The following NCOR2 variants were observed in gnomAD, a reference collection of about 807,000 sequenced individuals.
The protein encoded by NCOR2 is CTG repeat protein 26.
NCOR2 carries 81 observed loss-of-function variants against 262.9 expected under a neutral mutation model. The observed-to-expected ratio is 0.31, with a 90% CI of 0.26 to 0.37. The LOEUF (loss-of-function observed/expected upper bound fraction) is 0.37, where lower values mean the gene tolerates loss of function less well. Among genes scored for constraint, NCOR2 ranks in the 10% least tolerant of loss-of-function variants. NCOR2 has a pLI of 1.00. For synonymous variants in NCOR2, 1,659 were observed against 1,559.3 expected, an observed-to-expected ratio of 1.06 and a Z score of -1.51; for missense variants, 3,385 against 3,621.4, an observed-to-expected ratio of 0.93 and a Z score of 1.68.
chr12:124,483,610 C>T lies in NCOR2; in HGVS notation c.397G>A (p.Glu133Lys), dbSNP rs763199893. The change falls in exon 3 of 47, where the codon GAA becomes AAA. Residue 133 changes from glutamate (E) to lysine (K), a missense_variant. Coordinates refer to ENST00000405201, the Ensembl canonical transcript of NCOR2. The surrounding 1 kb of genome is among the most constrained non-coding windows in gnomAD (Gnocchi z 6.3). The stretch of plus-strand genomic sequence containing the variant: ...CCCAGGCTTACCTTGGTGAGGTCTT[C>T]AGATCCCGCAGGCTGGCCCGTGGCC... 2.5e-6 allele frequency: 4 copies of T among 1,602,866 alleles called. No homozygotes were observed. The highest frequency in any genetic ancestry group is 3.4e-6 in the Non-Finnish European group (4 of 1,175,232).
At chr12:124,422,589 C>A in intron 11 of NCOR2, 34 bp from the exon 14 acceptor site, 1 of 1,612,490 alleles carries the variant, frequency 6.2e-7, no homozygotes, top group Non-Finnish European at 8.5e-7. Flanking sequence ...TGAGACCTGG[C>A]CGAGGGGGGC....
At chr12:124,348,551 C>T (rs1007093070) in intron 28 of NCOR2, 6 of 563,610 alleles carry the variant, frequency 1.1e-5, no homozygotes, top group Admixed American at 7.2e-5. Flanking sequence ...GCAGGGCACG[C>T]TGCCTGCACC....
intron 4 of NCOR2, among the ~76,000 whole-genome samples, chr12:124,467,723 A>ACCC (rs2046533857): frequency 9.2e-6 from 1 of 109,156 alleles, no homozygotes; most frequent in Non-Finnish European, 1.9e-5. Context: ...CATCCTCATC[A>ACCC]CCCTCATCCT....
chr12:124,373,187 G>A (rs1289235341), intron 19 of NCOR2, among the ~76,000 whole-genome samples: 1 of 152,288 alleles, frequency 6.6e-6, no homozygotes, highest in Non-Finnish European at 1.5e-5. Flanking sequence ...TGACAGTGTA[G>A]AATGCGCTCA....
intron 5 of NCOR2, among the ~76,000 whole-genome samples, chr12:124,458,438 C>G (rs559381871): frequency 6.6e-6 from 1 of 152,290 alleles, no homozygotes; most frequent in Middle Eastern, 3.4e-3. Flanking sequence ...GCCCAGAGCC[C>G]GGCCCACCAA....
chr12:124,341,737 G>C, intron 34 of NCOR2, 86 bp downstream of exon 36: 2 of 1,528,844 alleles, frequency 1.3e-6, no homozygotes, highest in Non-Finnish European at 1.8e-6. Context: ...ACCAGGTCTA[G>C]CTGCCTCCGC....
At chr12:124,428,960 C>T (rs2043754011) in intron 10 of NCOR2, among the ~76,000 whole-genome samples, 1 of 152,196 alleles carries the variant, frequency 6.6e-6, no homozygotes, top group Non-Finnish European at 1.5e-5. Context: ...CACCAACTTC[C>T]TCCCCAGGAG....
chr12:124,355,091 C>T (rs2037841055), intron 24 of NCOR2, 152 bp from the exon 27 acceptor site: 3 of 675,512 alleles, frequency 4.4e-6, no homozygotes, highest in South Asian at 3.8e-5. Context: ...ACTGCTACTC[C>T]CAAGCCTCGG....
At position 124,549,386 on chromosome 12, in the gene NCOR2, C is replaced by T. The variant is rs373812620; in HGVS notation, c.-164-13775G>A. ...GAGATAAGCCGCCTGCTCAGGTTCA[C>T]GTTCGGGATCAAATGAACCCACTTA... On this transcript the variant is annotated intron_variant, in intron 1 of 32. Coordinates refer to the NCOR2 transcript ENST00000458234. The surrounding 1 kb of genome is among the most constrained non-coding windows in gnomAD (Gnocchi z 4.4). Among the ~76,000 whole-genome samples, 1 of 152,172 alleles carries T rather than the reference C, an allele frequency of 6.6e-6. No individual in the cohort carries two copies. The highest frequency in any genetic ancestry group is 1.5e-5 in the Non-Finnish European group (1 of 68,026).
chr12:124,382,074 T>G (rs965824238), intron 17 of NCOR2, among the ~76,000 whole-genome samples: 19 of 152,260 alleles, frequency 1.2e-4, no homozygotes, highest in African/African-American at 4.3e-4. Context: ...TGTCTTCCTG[T>G]ACTCCAGACA....
At chr12:124,448,996 A>AT (rs1485745584) in intron 7 of NCOR2, among the ~76,000 whole-genome samples, 1 of 152,114 alleles carries the variant, frequency 6.6e-6, no homozygotes, top group Non-Finnish European at 1.5e-5. Flanking sequence ...CCACGTGGCC[A>AT]TATGTTCCTC....
chr12:124,429,389 G>A, intron 10 of NCOR2: 1 of 562,234 alleles, frequency 1.8e-6, no homozygotes, highest in Non-Finnish European at 3.2e-6. Context: ...CCCTGCAGGG[G>A]GTCCTGCTAC....
intron 38 of NCOR2, chr12:124,336,516 G>A (rs1273808157): frequency 2.6e-5 from 30 of 1,165,824 alleles, no homozygotes; most frequent in Middle Eastern, 3.1e-4. Flanking sequence ...CGGCGAGGAC[G>A]GATGGGCTTC....
intron 22 of NCOR2, among the ~76,000 whole-genome samples, chr12:124,360,913 C>T (rs1286775567): frequency 6.6e-6 from 1 of 152,152 alleles, no homozygotes; most frequent in Non-Finnish European, 1.5e-5. Flanking sequence ...TTAACATCCT[C>T]CTCACTCAAA....
chr12:124,367,953 G>C (rs567830917), intron 20 of NCOR2, among the ~76,000 whole-genome samples: 39 of 152,314 alleles, frequency 2.6e-4, no homozygotes, highest in Non-Finnish European at 4.0e-4. Flanking sequence ...TGTTTTCTTG[G>C]AAGGCAGCCA....
chr12:124,511,515 G>A (rs1298920524), intron 1 of NCOR2, among the ~76,000 whole-genome samples: 1 of 152,204 alleles, frequency 6.6e-6, no homozygotes, highest in South Asian at 2.1e-4. Flanking sequence ...GTGGGGAAAG[G>A]GCGTCCGGGG....
At chr12:124,462,161 AC>A (rs1210694936) in intron 5 of NCOR2, among the ~76,000 whole-genome samples, 1 of 152,164 alleles carries the variant, frequency 6.6e-6, no homozygotes, top group African/African-American at 2.4e-5. Context: ...ACCCGTATAC[AC>A]ACGTGTACCC....
chr12:124,350,697 CTGGTGA>C, exon 28 of NCOR2: 1 of 1,613,466 alleles, frequency 6.2e-7, no homozygotes. Context: ...GCCGATGATC[CTGGTGA>C]TGGTGCCCTT....
exon 36 of NCOR2, chr12:124,340,360 G>C (rs375229118): frequency 6.2e-7 from 1 of 1,612,954 alleles, no homozygotes; most frequent in South Asian, 1.1e-5. Flanking sequence ...TCCCGCTCCC[G>C]ATCCCGGTCC....
Sources: allele counts gnomAD v4.1 joint callset (sites outside exome capture counted in the v4.1 genomes callset), GRCh38; gene constraint gnomAD v4.1.1; non-coding constraint Gnocchi (gnomAD v3.1); transcripts MANE v1.5; gene names NCBI Gene and HGNC (gene_info 2026-07-23, HGNC 2026-07-21).